The following PDE4D variants were observed in gnomAD, a reference collection of about 807,000 sequenced individuals.
PDE4D encodes the protein phosphodiesterase 4D.
In PDE4D, 24 loss-of-function variants were observed where a neutral mutation model predicts 87.4. The ratio of observed to expected loss-of-function variants is 0.27; its 90% CI spans 0.20 to 0.39. The LOEUF (loss-of-function observed/expected upper bound fraction) is 0.39, where lower values mean the gene tolerates loss of function less well. Ranked by LOEUF, PDE4D falls within the 10% of genes least tolerant of loss-of-function variation. The probability of loss-of-function intolerance (pLI) is 1.00; values close to 1 mark genes in which losing one functional copy is unlikely to be tolerated. For synonymous variants in PDE4D, 384 were observed against 383.2 expected (o/e 1.00, Z -0.02); for missense variants, 714 against 1,041.0 (o/e 0.69, Z 4.32).
intron 6 of PDE4D, among the ~76,000 whole-genome samples, chr5:59,009,392 C>T (rs903676965): frequency 4.0e-5 from 6 of 151,810 alleles, no homozygotes; most frequent in Non-Finnish European, 8.8e-5. Context: ...AAATGAAATA[C>T]TAAAAAGCAA....
chr5:60,171,564 A>T (rs1316344772), intron 2 of PDE4D, among the ~76,000 whole-genome samples: 2 of 152,138 alleles, frequency 1.3e-5, no homozygotes, highest in Non-Finnish European at 2.9e-5. Context: ...TCTGAAACTC[A>T]CATAGGCTTT....
intron 2 of PDE4D, among the ~76,000 whole-genome samples, chr5:60,005,313 G>T (rs1050489212): frequency 2.0e-5 from 3 of 152,042 alleles, no homozygotes; most frequent in Non-Finnish European, 4.4e-5. Flanking sequence ...TGGTAGAAAT[G>T]GGGTAATGTT....
At chr5:60,034,970 A>G (rs1204932273) in intron 2 of PDE4D, among the ~76,000 whole-genome samples, 4 of 152,170 alleles carry the variant, frequency 2.6e-5, no homozygotes, top group African/African-American at 4.8e-5. Flanking sequence ...CAAAATGTGC[A>G]TGCAGCAGGG....
intron 3 of PDE4D, among the ~76,000 whole-genome samples, chr5:59,186,088 G>A (rs964431390): frequency 3.3e-5 from 5 of 152,118 alleles, no homozygotes; most frequent in Non-Finnish European, 7.3e-5. Flanking sequence ...CCTGAAATGG[G>A]CAAGTTTCCC....
intron 1 of PDE4D, among the ~76,000 whole-genome samples, chr5:59,270,825 C>T (rs1041573172): frequency 7.2e-5 from 11 of 152,174 alleles, no homozygotes; most frequent in African/African-American, 2.7e-4. Context: ...AGAGCACGTT[C>T]TTTGAGGTAG....
intron 1 of PDE4D, among the ~76,000 whole-genome samples, chr5:59,343,742 CATA>C (rs1249817498): frequency 9.2e-5 from 14 of 152,108 alleles, no homozygotes; most frequent in African/African-American, 3.4e-4. Context: ...CTCATACCTC[CATA>C]ATGTTATTTC....
intron 2 of PDE4D, among the ~76,000 whole-genome samples, chr5:60,052,223 C>T (rs1048808955): frequency 3.5e-5 from 5 of 144,596 alleles, no homozygotes; most frequent in African/African-American, 1.4e-4. Context: ...CAAAGCCTGG[C>T]AGAGACACAA....
chr5:59,496,142 G>A (rs1224890107), intron 1 of PDE4D, among the ~76,000 whole-genome samples: 5 of 152,092 alleles, frequency 3.3e-5, no homozygotes, highest in East Asian at 3.9e-4. Context: ...GAGTCCAGCC[G>A]CTCAGCAGCC....
intron 1 of PDE4D, among the ~76,000 whole-genome samples, chr5:59,800,867 G>A (rs182561789): frequency 6.6e-6 from 1 of 152,152 alleles, no homozygotes; most frequent in Non-Finnish European, 1.5e-5. Flanking sequence ...AATAGAATGT[G>A]TACAAAAATG....
intron 1 of PDE4D, among the ~76,000 whole-genome samples, chr5:59,802,258 T>G (rs1374502935): frequency 2.0e-5 from 3 of 151,594 alleles, no homozygotes; most frequent in African/African-American, 7.3e-5. Flanking sequence ...TTTAAAGTTC[T>G]CTAGGTGATG....
At position 59,753,426 on chromosome 5, in the gene PDE4D, G is replaced by A. The variant is rs114800641; in HGVS notation, c.455+139742C>T. Among the ~76,000 whole-genome samples, 544 of 152,200 alleles carry A rather than the reference G, an allele frequency of 3.6e-3. 4 individuals are homozygous for A. The highest frequency in any genetic ancestry group is 0.013 in the African/African-American group (523 of 41,524). ...AAACAGAAGTAGAAAAATCAAAAAG[G>A]GGGGCACAGTAAGCTTGGTTTTGTG... On this transcript the variant is annotated intron_variant, in intron 1 of 14. Transcript: ENST00000340635.
At chr5:60,489,245 A>T (rs1038959187), upstream of PDE4D, among the ~76,000 whole-genome samples, 2 of 152,240 alleles carry the variant, frequency 1.3e-5, no homozygotes, top group African/African-American at 4.8e-5. Context: ...AGCAAGTGTA[A>T]CATTAGCAAC....
chr5:60,175,820 A>G (rs1367090261), intron 2 of PDE4D, among the ~76,000 whole-genome samples: 10 of 152,122 alleles, frequency 6.6e-5, no homozygotes, highest in African/African-American at 2.4e-4. Flanking sequence ...GGCCTTCACA[A>G]GTGCTCCTGC....
At chr5:59,740,269 A>G (rs1331779663) in intron 1 of PDE4D, among the ~76,000 whole-genome samples, 5 of 152,164 alleles carry the variant, frequency 3.3e-5, no homozygotes, top group African/African-American at 1.2e-4. Flanking sequence ...TGTTTTATAA[A>G]GTGCCCACAT....
chr5:60,045,424 T>C (rs1769097867), intron 2 of PDE4D, among the ~76,000 whole-genome samples: 1 of 152,248 alleles, frequency 6.6e-6, no homozygotes, highest in African/African-American at 2.4e-5. Context: ...GTTTTAGACA[T>C]GAAGTCCTTG....
intron 1 of PDE4D, among the ~76,000 whole-genome samples, chr5:60,231,564 C>G (rs911700956): frequency 6.6e-5 from 10 of 151,924 alleles, no homozygotes; most frequent in African/African-American, 2.4e-4. Context: ...ATTATCATCA[C>G]TTGCAACCAG....
intron 1 of PDE4D, among the ~76,000 whole-genome samples, chr5:59,300,435 A>G (rs1421451466): frequency 5.3e-5 from 8 of 152,174 alleles, no homozygotes; most frequent in Admixed American, 2.6e-4. Flanking sequence ...GATAATGTCA[A>G]TTAATCAATA....
chr5:59,708,700 T>C (rs774709737), intron 1 of PDE4D, among the ~76,000 whole-genome samples: 10 of 152,142 alleles, frequency 6.6e-5, no homozygotes, highest in African/African-American at 9.7e-5. Context: ...GACTATGATA[T>C]TCACCAAAAA....
intron 1 of PDE4D, among the ~76,000 whole-genome samples, chr5:59,808,590 G>C (rs1314277269): frequency 6.6e-6 from 1 of 152,036 alleles, no homozygotes; most frequent in Non-Finnish European, 1.5e-5. Flanking sequence ...GTTTGTGTGT[G>C]TGTGTGTGTG....
Sources: allele counts gnomAD v4.1 joint callset (sites outside exome capture counted in the v4.1 genomes callset), GRCh38; gene constraint gnomAD v4.1.1; transcripts MANE v1.5; gene names NCBI Gene and HGNC (gene_info 2026-07-23, HGNC 2026-07-21).